VIPR1: variants seen among roughly 807,000 people sequenced by gnomAD.
VIPR1 encodes the protein vasoactive intestinal peptide receptor 1.
A neutral mutation model predicts 58.8 loss-of-function variants in VIPR1; 59 were observed. That is an observed-to-expected ratio of 1.00 (90% confidence interval 0.81 to 1.25). The LOEUF (loss-of-function observed/expected upper bound fraction) is 1.25. Ranked by LOEUF, VIPR1 falls within the 50% of genes most tolerant of loss-of-function variation. VIPR1 has a pLI of 0.00. For synonymous variants in VIPR1, 251 were observed against 242.1 expected (o/e 1.04, Z -0.34); for missense variants, 626 against 602.7 (o/e 1.04, Z -0.40).
At chr3:42,527,920 C>T (rs1701320333) in intron 5 of VIPR1, 71 bp from the exon 6 acceptor site, 1 of 1,588,138 alleles carries the variant, frequency 6.3e-7, no homozygotes, top group Non-Finnish European at 8.6e-7. Flanking sequence ...TTGCTCAGCA[C>T]ATAGGACAGC....
At chr3:42,531,044 A>G (rs960005040) in intron 7 of VIPR1, 112 bp downstream of exon 7, 3 of 1,358,556 alleles carry the variant, frequency 2.2e-6, no homozygotes, top group African/African-American at 1.5e-5. Context: ...GCTTAGCTGC[A>G]GGTCCTGCCT....
Position 42,513,572 on chromosome 3 carries a change from G to C in VIPR1, c.79-177G>C. ...GGGTCCTCGGGGCCGACCCAGGTTT[G>C]GGGGCAATGGACAACAGGTTGGGGT... On this transcript the variant is annotated intron_variant, in intron 1 of 12. Coordinates refer to ENST00000325123, the MANE Select transcript of VIPR1 (RefSeq NM_004624.4). The C allele has an allele frequency of 3.3e-6, 2 of 613,142 alleles. 1 individual carries two copies. Among genetic ancestry groups the C allele is most frequent in the Admixed American group, 6.1e-5 (2 of 32,742 alleles). The allele number at this position is 613,142 out of a possible 1,614,324, so 38.0% of individuals were successfully genotyped here.
intron 3 of VIPR1, among the ~76,000 whole-genome samples, chr3:42,522,311 G>A (rs1275154816): frequency 6.7e-6 from 1 of 150,342 alleles, no homozygotes; most frequent in Admixed American, 6.6e-5. Context: ...GTTTTACCAT[G>A]TTAGCCAGGA....
At chr3:42,523,216 G>A (rs1211086009) in intron 3 of VIPR1, among the ~76,000 whole-genome samples, 4 of 152,122 alleles carry the variant, frequency 2.6e-5, no homozygotes, top group African/African-American at 9.7e-5. Context: ...GGAGACTCTT[G>A]GCTGCTTCTT....
At chr3:42,522,538 A>G (rs1319011767) in intron 3 of VIPR1, among the ~76,000 whole-genome samples, 4 of 152,078 alleles carry the variant, frequency 2.6e-5, no homozygotes. Context: ...CTCCCCTACC[A>G]CCTGCATCAT....
At chr3:42,520,760 T>C (rs1700876085) in intron 3 of VIPR1, among the ~76,000 whole-genome samples, 1 of 152,060 alleles carries the variant, frequency 6.6e-6, no homozygotes. Context: ...GTTTCCCCGT[T>C]TGTAAAGTGG....
intron 6 of VIPR1, chr3:42,528,713 G>GGGCC (rs1701370401): frequency 6.6e-6 from 1 of 152,594 alleles, no homozygotes; most frequent in African/African-American, 2.4e-5. Context: ...GTCACTAAGG[G>GGGCC]GGCCATCTCC....
chr3:42,527,906 A>C, intron 5 of VIPR1, 85 bp from the exon 6 acceptor site: 2 of 1,549,988 alleles, frequency 1.3e-6, no homozygotes, highest in Non-Finnish European at 1.8e-6. Flanking sequence ...CCCCTGCCCC[A>C]CCCTTGCTCA....
upstream of VIPR1, among the ~76,000 whole-genome samples, chr3:42,501,045 G>C (rs374677892): frequency 1.7e-4 from 26 of 152,292 alleles, no homozygotes; most frequent in East Asian, 1.5e-3. The surrounding 1 kb of genome is among the most constrained non-coding windows in gnomAD (Gnocchi z 4.8). Context: ...TGGAAGAAAG[G>C]AGGGAGGGGC....
Position 42,532,331 on chromosome 3 carries a change from C to T in VIPR1, c.1008C>T (p.Tyr336=), listed in dbSNP as rs1389068210. 2.5e-6 allele frequency: 4 copies of T among 1,614,092 alleles called. No individual in the cohort carries two copies. Among genetic ancestry groups the T allele is most frequent in the Middle Eastern group, 1.6e-4 (1 of 6,062 alleles). Reference sequence around the variant, plus strand: ...TCAGGAAGAGTGACAGCAGTCCATACTCGTGAGTGTGGGCCTAGTGCCTCA... The same window carrying T: ...TCAGGAAGAGTGACAGCAGTCCATATTCGTGAGTGTGGGCCTAGTGCCTCA... The part of the protein sequence containing the change: ...PDIRKSDSSP[Y]SRLARSTLLL... The change falls in exon 10 of 13, where the codon TAC becomes TAT. Residue 336 remains tyrosine, a splice_region_variant and synonymous_variant. Coordinates refer to ENST00000325123, the MANE Select transcript of VIPR1 (RefSeq NM_004624.4).
intron 3 of VIPR1, among the ~76,000 whole-genome samples, chr3:42,522,129 T>C (rs1700976580): frequency 9.8e-6 from 1 of 101,754 alleles, no homozygotes; most frequent in Non-Finnish European, 1.9e-5. Context: ...TTTTTTTTTT[T>C]TAGACAGCGT....
chr3:42,494,222 A>G (rs554587776), intron 1 of VIPR1, among the ~76,000 whole-genome samples: 1 of 152,396 alleles, frequency 6.6e-6, no homozygotes, highest in African/African-American at 2.4e-5. Flanking sequence ...TTAAATATGT[A>G]TTAAATTAAT....
rs567295316 is a variant in VIPR1, at chr3:42,536,272, C to T, written c.1365C>T (p.Ser455=). The T allele has an allele frequency of 3.9e-4, 609 of 1,560,776 alleles. No homozygotes were observed. Among genetic ancestry groups the T allele is most frequent in the Non-Finnish European group, 4.9e-4 (573 of 1,159,998 alleles). Residue 455 remains serine (S), a synonymous_variant, in exon 13 of 13, where the codon TCC becomes TCT. Transcript: ENST00000325123. ...CCTCCAGCTTCCAAGCCGAAGTCTC[C>T]CTGGTCTGACCACCAGGATCCCAGG... ...RRSSSFQAEV[S]LV is the part of the protein sequence containing the mutation.
chr3:42,520,695 C>T (rs781398493), intron 3 of VIPR1, among the ~76,000 whole-genome samples: 8 of 152,034 alleles, frequency 5.3e-5, no homozygotes, highest in East Asian at 1.9e-4. Flanking sequence ...ATTCAGAGAG[C>T]GAACAGAACT....
At chr3:42,527,838 C>T (rs1035951714) in intron 5 of VIPR1, 153 bp from the exon 6 acceptor site, 31 of 1,138,134 alleles carry the variant, frequency 2.7e-5, no homozygotes, top group Non-Finnish European at 3.6e-5. Context: ...GGGTGGGGCT[C>T]GTATTTCAGG....
intron 8 of VIPR1, 49 bp downstream of exon 8, chr3:42,531,580 C>G: frequency 6.3e-7 from 1 of 1,583,858 alleles, no homozygotes; most frequent in South Asian, 1.1e-5. Flanking sequence ...CTTGGGCAGG[C>G]CCCCTGGGTG....
intron 1 of VIPR1, among the ~76,000 whole-genome samples, chr3:42,511,552 A>T (rs1078007): frequency 0.17 from 25,264 of 152,206 alleles, 2,630 homozygotes; most frequent in South Asian, 0.3. Context: ...AGAGTAAAGG[A>T]TGGTGGAAGG....
At position 42,519,215 on chromosome 3, in the gene VIPR1, C is replaced by T. The variant is rs376528881; in HGVS notation, c.185-8C>T. On this transcript the variant is annotated splice_region_variant and splice_polypyrimidine_tract_variant and intron_variant, in intron 2 of 12. Transcript: ENST00000325123. ...CTCACCCATGTGTCTTCTGCCTTAC[C>T]CCCATAGGCTGCAGCAAGATGTGGG... 1.1e-4 allele frequency: 178 copies of T among 1,601,916 alleles called. No homozygotes were observed. The Middle Eastern group carries it at 3.5e-3, about 32-fold the overall frequency.
intron 4 of VIPR1, among the ~76,000 whole-genome samples, chr3:42,526,845 T>C (rs1293836863): frequency 6.6e-6 from 1 of 152,090 alleles, no homozygotes; most frequent in African/African-American, 2.4e-5. Flanking sequence ...GGCCTAGCTT[T>C]GCCCTCCTCC....
Sources: gnomAD v4.1 joint callset for allele counts (sites outside exome capture counted in the v4.1 genomes callset) on GRCh38, gnomAD v4.1.1 for gene constraint, Gnocchi (gnomAD v3.1) non-coding constraint, MANE v1.5 for transcripts, NCBI Gene and HGNC (gene_info 2026-07-23, HGNC 2026-07-21) for gene names.